POLRMT: variants seen among roughly 807,000 people sequenced by gnomAD.
POLRMT encodes DNA-directed RNA polymerase, mitochondrial.
Under a neutral mutation model 132.2 loss-of-function variants are expected in POLRMT, and 114 were observed. The observed-to-expected ratio is 0.86, with a 90% CI of 0.74 to 1.01. POLRMT has a LOEUF of 1.01. POLRMT is among the 50% of genes least tolerant of loss of function. The pLI, the probability that POLRMT is intolerant of heterozygous loss-of-function variation, is 0.00. For missense variants in POLRMT, 2,003 were observed against 1,729.1 expected, an observed-to-expected ratio of 1.16 and a Z score of -2.81; for synonymous variants, 1,020 against 773.4, an observed-to-expected ratio of 1.32 and a Z score of -5.29.
At chr19:625,322 G>A (rs1280518085) in intron 3 of POLRMT, 68 bp from the exon 4 acceptor site, 3 of 1,593,654 alleles carry the variant, frequency 1.9e-6, no homozygotes, top group Non-Finnish European at 2.6e-6. Flanking sequence ...CTGCTCCCTG[G>A]AGACCCCTTC....
intron 2 of POLRMT, among the ~76,000 whole-genome samples, chr19:632,207 T>C (rs551448047): frequency 1.1e-4 from 16 of 151,908 alleles, no homozygotes; most frequent in Non-Finnish European, 1.2e-4. Flanking sequence ...AGTGCTGGGA[T>C]TACAGGCGTG....
In POLRMT at chr19:622,599, G is replaced by T. The variant is rs765780216; in HGVS notation, c.1609C>A (p.Leu537Met). ...AGCCTCACCTCGGCGTCGGAGGCCA[G>T]CAAGCAGAGGTACTTCCTGTAGTGG... ...QNHYRKYLCL[L>M]ASDAEVPEPC... Residue 537 changes from leucine to methionine, a missense_variant, in exon 8 of 21, where the codon CTG becomes ATG. Coordinates refer to ENST00000588649, the MANE Select transcript of POLRMT (RefSeq NM_005035.4). 1.2e-6 allele frequency: 2 copies of T among 1,603,600 alleles called. No homozygotes were observed. The highest frequency in any genetic ancestry group is 2.2e-5 in the South Asian group (2 of 90,050).
intron 15 of POLRMT, 34 bp from the exon 16 acceptor site, chr19:618,794 G>A (rs192873098): frequency 2.4e-5 from 38 of 1,567,608 alleles, no homozygotes; most frequent in Admixed American, 1.1e-4. Context: ...AGTCCCACCC[G>A]AGGCCCAGCA....
intron 3 of POLRMT, among the ~76,000 whole-genome samples, chr19:627,753 C>T (rs1397988276): frequency 2.0e-5 from 3 of 151,084 alleles, no homozygotes; most frequent in South Asian, 2.1e-4. Flanking sequence ...GGCAAAAGCC[C>T]GTCTCTACTA....
At position 623,363 on chromosome 19, in the gene POLRMT, C is replaced by T. The variant is rs1158422379; in HGVS notation, c.1290+91G>A. On this transcript the variant is annotated intron_variant, in intron 6 of 20. Transcript: ENST00000588649. ...CGCGACCCCGGCTCAGCCCCTGCGG[C>T]GGACACGGGACCCCGGCTCAGCCCG... 53 of 1,540,512 alleles carry T rather than the reference C, an allele frequency of 3.4e-5. 1 individual carries two copies. The highest frequency in any genetic ancestry group is 1.2e-4 in the African/African-American group (9 of 73,046).
Position 618,594 on chromosome 19 carries a change from CG to C in POLRMT, c.3324-9del, listed in dbSNP as rs764755836. ...TTACGTGTGTTGGGCTTTCTGAGGA[CG>C]GAACAGGTGCCGGTGGGGGCGGCCC... is the stretch of plus-strand genomic sequence containing the variant. On this transcript the variant is annotated splice_polypyrimidine_tract_variant and intron_variant, in intron 16 of 20. Transcript: ENST00000588649. 2.5e-6 allele frequency: 4 copies of C among 1,608,954 alleles called. No individual in the cohort carries two copies. The highest frequency in any genetic ancestry group is 1.1e-5 in the South Asian group (1 of 90,872).
chr19:623,777 A>G (rs970988174), intron 5 of POLRMT, among the ~76,000 whole-genome samples, 174 bp from the exon 6 acceptor site: 3 of 152,144 alleles, frequency 2.0e-5, no homozygotes, highest in Non-Finnish European at 4.4e-5. Context: ...AGTGCAAACC[A>G]AAGGCCTTGA....
At chr19:631,593 C>T (rs1012444353) in intron 2 of POLRMT, among the ~76,000 whole-genome samples, 1 of 151,758 alleles carries the variant, frequency 6.6e-6, no homozygotes, top group Non-Finnish European at 1.5e-5. Flanking sequence ...GAGCCAAGAT[C>T]GCACCATTGC....
Position 619,730 on chromosome 19 carries a change from G to A in POLRMT, c.2922C>T (p.Gly974=). The change falls in exon 13 of 21, where the codon GGC becomes GGT. Residue 974 remains glycine (G), a synonymous_variant. Transcript: ENST00000588649. ...CTTCCAGCACCTGTGCCACCCGCAT[G>A]CCCCGCTGGGCGTCCTGCCTACGGA... ...EVFRRQDAQR[G]MRVAQVLEGF... 1 of 1,596,504 alleles carries A rather than the reference G, an allele frequency of 6.3e-7. No individual in the cohort carries two copies. The highest frequency in any genetic ancestry group is 8.5e-7 in the Non-Finnish European group (1 of 1,171,618).
At chr19:629,516 G>T in intron 3 of POLRMT, 24 bp downstream of exon 3, 1 of 1,490,848 alleles carries the variant, frequency 6.7e-7, no homozygotes, top group Non-Finnish European at 8.9e-7. Flanking sequence ...CAGGGCAGGT[G>T]GCCCGGCTCC....
chr19:631,200 C>A (rs1985388904), intron 2 of POLRMT, among the ~76,000 whole-genome samples: 1 of 151,972 alleles, frequency 6.6e-6, no homozygotes, highest in Non-Finnish European at 1.5e-5. Context: ...CAGGGCCGCG[C>A]ACCTGTGGTC....
chr19:632,539 G>T (rs867652208), intron 2 of POLRMT, among the ~76,000 whole-genome samples: 7 of 151,550 alleles, frequency 4.6e-5, no homozygotes, highest in East Asian at 1.9e-4. Flanking sequence ...GCGGGGCCGG[G>T]GGGGGGGTCT....
In POLRMT at chr19:617,454, T is replaced by C; in HGVS notation, c.3608A>G (p.Gln1203Arg). Residue 1203 changes from glutamine (Q) to arginine (R), a missense_variant, in exon 20 of 21, where the codon CAG becomes CGG. Transcript: ENST00000588649. ...CACCGCCTGCAGTGTCTCCTTCAGC[T>C]GGCTGGCCTCCAAGATCTTCTGGGG... ...SEPQKILEAS[Q>R]LKETLQAVPK... 1.9e-6 allele frequency: 3 copies of C among 1,564,390 alleles called. No individual in the cohort carries two copies. The highest frequency in any genetic ancestry group is 2.6e-6 in the Non-Finnish European group (3 of 1,152,230).
intron 12 of POLRMT, 47 bp downstream of exon 12, chr19:619,911 C>T (rs1408706551): frequency 1.3e-6 from 2 of 1,598,160 alleles, no homozygotes; most frequent in Non-Finnish European, 1.7e-6. Flanking sequence ...TCAGGGCTCA[C>T]ATTGCCCCCA....
In POLRMT at chr19:621,484, C is replaced by T. The variant is rs765821968; in HGVS notation, c.2214G>A (p.Ala738=). 58 of 1,367,950 alleles carry T rather than the reference C, an allele frequency of 4.2e-5. No individual in the cohort carries two copies. The African/African-American group carries it at 8.0e-4, about 19-fold the overall frequency. 84.7% of individuals were successfully genotyped at this position (1,367,950 alleles called of 1,614,324 possible). A position where few individuals can be genotyped will look rare whatever the true frequency, so the allele number is the denominator to read the frequency against. Residue 738 remains alanine, a synonymous_variant, in exon 10 of 21, where the codon GCG becomes GCA. Transcript: ENST00000588649. ...QLGVPAPPSE[A]PQPPEAHLPH... ...GCAGGTGGGCCTCGGGCGGCTGGGG[C>T]GCCTCGGAGGGCGGGGCCGGCACGC...
At chr19:621,869 G>T in intron 9 of POLRMT, 23 bp from the exon 10 acceptor site, 2 of 1,599,756 alleles carry the variant, frequency 1.3e-6, no homozygotes, top group East Asian at 2.2e-5. Flanking sequence ...AGGCAGACGG[G>T]TCAGGGCCCC....
In POLRMT at chr19:621,508, G is replaced by T; in HGVS notation, c.2190C>A (p.Gly730=). Reference sequence around the variant, plus strand: ...GCGCCTCGGAGGGCGGGGCCGGCACGCCTAGCTGGGGGCAGCCCTTGGCCT... The same window carrying T: ...GCGCCTCGGAGGGCGGGGCCGGCACTCCTAGCTGGGGGCAGCCCTTGGCCT... ...LFQAKGCPQL[G]VPAPPSEAPQ... The change falls in exon 10 of 21, where the codon GGC becomes GGA. Residue 730 remains glycine (G), a synonymous_variant. Coordinates refer to ENST00000588649, the MANE Select transcript of POLRMT (RefSeq NM_005035.4). 3 of 1,383,576 alleles carry T rather than the reference G, an allele frequency of 2.2e-6. No homozygotes were observed. Among genetic ancestry groups the T allele is most frequent in the Non-Finnish European group, 2.8e-6 (3 of 1,077,646 alleles). The allele number at this position is 1,383,576 out of a possible 1,614,324, so 85.7% of individuals were successfully genotyped here.
rs752789844 is a variant in POLRMT at position 623,415 on chromosome 19, GC to G, written c.1290+38del. 3 of 1,177,946 alleles carry G rather than the reference GC, an allele frequency of 2.5e-6. No homozygotes were observed. In the South Asian group the frequency reaches 3.8e-5, roughly 15 times the overall value. The allele number at this position is 1,177,946 out of a possible 1,614,324, so 73.0% of individuals were successfully genotyped here. ...GCGGTGGACACGCGACCCCGGCTCA[GC>G]CCCTGCGGCGGACACGGGACCCCGG... On this transcript the variant is annotated intron_variant, in intron 6 of 20. Coordinates refer to ENST00000588649, the MANE Select transcript of POLRMT (RefSeq NM_005035.4).
Position 620,030 on chromosome 19 carries a change from G to A in POLRMT, c.2814C>T (p.Ser938=), listed in dbSNP as rs747155733. 17 of 1,564,440 alleles carry A rather than the reference G, an allele frequency of 1.1e-5. No individual in the cohort carries two copies. Among genetic ancestry groups the A allele is most frequent in the Admixed American group, 7.5e-5 (4 of 53,352 alleles). ...CCAGGTTGACGGAGGCGGCGCCCAC[G>A]CTGTCGCGGCCCAGAGCAGCATAAT... The part of the protein sequence containing the change: ...LQHYAALGRD[S]VGAASVNLEP... The change falls in exon 12 of 21, where the codon AGC becomes AGT. Residue 938 remains serine, a synonymous_variant. Transcript: ENST00000588649.
Sources: gnomAD v4.1 joint callset for allele counts (sites outside exome capture counted in the v4.1 genomes callset) on GRCh38, gnomAD v4.1.1 for gene constraint, MANE v1.5 for transcripts, NCBI Gene and HGNC (gene_info 2026-07-23, HGNC 2026-07-21) for gene names.